Variants in PHF14 observed in about 807,000 individuals in gnomAD.
The protein encoded by PHF14 is PHD finger protein 14.
PHF14 carries 55 observed loss-of-function variants against 117.9 expected under a neutral mutation model. That is an observed-to-expected ratio of 0.47 (90% CI 0.38 to 0.58). PHF14 has a LOEUF of 0.58. PHF14 is among the 20% of genes least tolerant of loss of function. The pLI is 0.00. For missense variants in PHF14, 978 were observed against 1,122.2 expected (o/e 0.87, Z 1.84); for synonymous variants, 409 against 368.6 (o/e 1.11, Z -1.26).
At chr7:10,977,179 C>A (rs1781897231) in intron 2 of PHF14, among the ~76,000 whole-genome samples, 1 of 151,964 alleles carries the variant, frequency 6.6e-6, no homozygotes, top group Non-Finnish European at 1.5e-5. Flanking sequence ...GGTTTCCAAA[C>A]ATGTTGAAGT....
At chr7:11,042,858 C>CT in intron 13 of PHF14, 44 bp downstream of exon 13, 1 of 1,366,114 alleles carries the variant, frequency 7.3e-7, no homozygotes, top group Non-Finnish European at 1.0e-6. Flanking sequence ...TTGATTTACT[C>CT]TTAGTTTCAG....
At chr7:11,018,247 G>A (rs746493873) in intron 5 of PHF14, among the ~76,000 whole-genome samples, 2 of 151,954 alleles carry the variant, frequency 1.3e-5, no homozygotes, top group South Asian at 2.1e-4. Flanking sequence ...TTGTGGTTCC[G>A]TATACATTTT....
chr7:11,106,019 A>G (rs1335534460), intron 16 of PHF14: 1 of 984,710 alleles, frequency 1.0e-6, no homozygotes, highest in Non-Finnish European at 1.2e-6. Context: ...AAATCAGTTT[A>G]TTAAAGAACA....
chr7:10,990,447 C>A (rs1024221750), intron 3 of PHF14, among the ~76,000 whole-genome samples: 1 of 151,982 alleles, frequency 6.6e-6, no homozygotes, highest in Non-Finnish European at 1.5e-5. Context: ...TTTTTCATAT[C>A]CTAGAGGAGA....
At chr7:11,129,919 C>CA (rs1312078259) in intron 17 of PHF14, among the ~76,000 whole-genome samples, 1 of 151,638 alleles carries the variant, frequency 6.6e-6, no homozygotes, top group African/African-American at 2.4e-5. Flanking sequence ...AAGAGATTGG[C>CA]AAAAAATACA....
rs953075553 is a variant in PHF14 at position 11,161,844 on chromosome 7, G to A, written c.2773-7572G>A. 9.4e-5 allele frequency among the ~76,000 whole-genome samples: 14 copies of A among 149,716 alleles called. 1 individual carries two copies. The highest frequency in any genetic ancestry group is 8.0e-4 in the Admixed American group (12 of 15,048). On this transcript the variant is annotated intron_variant, in intron 17 of 17. Coordinates refer to ENST00000634607, the MANE Select transcript of PHF14 (RefSeq NM_001007157.2). ...TTTAAATAAAAATATTATAAATGAA[G>A]GAAAGTTACCAATGTAGGAGCCTCT...
chr7:11,167,469 T>C (rs546362961), intron 17 of PHF14, among the ~76,000 whole-genome samples: 30 of 152,364 alleles, frequency 2.0e-4, no homozygotes, highest in Admixed American at 2.0e-4. Flanking sequence ...CTTTTATTCG[T>C]TCATTATTCC....
chr7:11,168,052 A>T (rs1344901186), intron 17 of PHF14, among the ~76,000 whole-genome samples: 1 of 151,716 alleles, frequency 6.6e-6, no homozygotes, highest in Non-Finnish European at 1.5e-5. Context: ...CATCTGTAGG[A>T]ACTTTTTTCT....
At position 11,168,831 on chromosome 7, in the gene PHF14, T is replaced by C. The variant is rs1351948599; in HGVS notation, c.2773-585T>C. ...CACTTCATTTCTATGAAAGCAGACA[T>C]TATGATGTCATTTCATCTATTCACC... On this transcript the variant is annotated intron_variant, in intron 17 of 17. Coordinates refer to ENST00000634607, the MANE Select transcript of PHF14 (RefSeq NM_001007157.2). Among the ~76,000 whole-genome samples the C allele has an allele frequency of 2.0e-5, 3 of 152,148 alleles. No individual in the cohort carries two copies. In the East Asian group the frequency reaches 5.8e-4, roughly 29 times the overall value.
chr7:11,111,885 A>C (rs1457052897), intron 17 of PHF14, among the ~76,000 whole-genome samples: 1 of 134,694 alleles, frequency 7.4e-6, no homozygotes, highest in African/African-American at 2.8e-5. Flanking sequence ...ATATATTGTA[A>C]TATCTTATAG....
At chr7:10,999,071 G>A (rs990026017) in intron 4 of PHF14, among the ~76,000 whole-genome samples, 1 of 152,146 alleles carries the variant, frequency 6.6e-6, no homozygotes, top group Non-Finnish European at 1.5e-5. Flanking sequence ...GTTGTTAAGT[G>A]ATGGAGTGCC....
At chr7:11,128,421 A>G (rs1787996770) in intron 17 of PHF14, among the ~76,000 whole-genome samples, 2 of 152,070 alleles carry the variant, frequency 1.3e-5, no homozygotes, top group East Asian at 3.9e-4. Context: ...CAGAAAATAA[A>G]AGTGCCACTA....
intron 17 of PHF14, among the ~76,000 whole-genome samples, chr7:11,134,762 T>TA (rs1788172296): frequency 6.6e-6 from 1 of 152,082 alleles, no homozygotes; most frequent in Middle Eastern, 3.2e-3. Context: ...GTTCAGTACT[T>TA]AAAAACAAGT....
intron 16 of PHF14, among the ~76,000 whole-genome samples, chr7:11,083,012 C>T (rs1253470329): frequency 6.6e-6 from 1 of 152,176 alleles, no homozygotes; most frequent in Non-Finnish European, 1.5e-5. Flanking sequence ...AGCTCTCTAG[C>T]TTATCACAGA....
chr7:11,035,705 G>A lies in PHF14; in HGVS notation c.1521G>A (p.Lys507=). Residue 507 remains lysine (K), a synonymous_variant, in exon 8 of 18, where the codon AAG becomes AAA. Coordinates refer to ENST00000634607, the MANE Select transcript of PHF14 (RefSeq NM_001007157.2). ...CAGATAGGTTAGACAGAAAGTGGAA[G>A]AGAAAAAACTACTTGGCTCTACAGT... The part of the protein sequence containing the change: ...QHADRLDRKW[K]RKNYLALQSY... 1 of 1,610,478 alleles carries A rather than the reference G, an allele frequency of 6.2e-7. No individual in the cohort carries two copies. Among genetic ancestry groups the A allele is most frequent in the Non-Finnish European group, 8.5e-7 (1 of 1,177,052 alleles).
intron 17 of PHF14, among the ~76,000 whole-genome samples, chr7:11,162,015 A>AGGCTG (rs1789052271): frequency 6.6e-6 from 1 of 150,406 alleles, no homozygotes; most frequent in Non-Finnish European, 1.5e-5. Context: ...CTGTCAGAAA[A>AGGCTG]GGCTGTTTAC....
At position 10,982,827 on chromosome 7, in the gene PHF14, C is replaced by G; in HGVS notation, c.568C>G (p.Pro190Ala). 2 of 1,613,878 alleles carry G rather than the reference C, an allele frequency of 1.2e-6. No homozygotes were observed. Among genetic ancestry groups the G allele is most frequent in the Non-Finnish European group, 1.7e-6 (2 of 1,179,868 alleles). Residue 190 changes from proline (P) to alanine (A), a missense_variant, in exon 3 of 18, where the codon CCA becomes GCA. This residue lies in a region of PHF14 where 414 missense variants were observed against 376.4 expected (regional missense o/e 1.10). Coordinates refer to ENST00000634607, the MANE Select transcript of PHF14 (RefSeq NM_001007157.2). Reference protein sequence around the residue: ...PKKWNLRRNRPLLDFVSMEEL... With the variant: ...PKKWNLRRNRALLDFVSMEEL... ...AAAATGGAACCTTCGACGAAACCGA[C>G]CACTTCTGGATTTTGTGTCCATGGA...
intron 16 of PHF14, among the ~76,000 whole-genome samples, chr7:11,075,575 T>G (rs977168372): frequency 6.8e-5 from 10 of 147,984 alleles, no homozygotes; most frequent in African/African-American, 2.2e-4. Flanking sequence ...TTTTTTTTTT[T>G]TTTTTTTTTT....
rs4554366 is a variant in PHF14 at position 10,995,061 on chromosome 7, C to A, written c.1045+4214C>A. Among the ~76,000 whole-genome samples the A allele has an allele frequency of 2.4e-3, 373 of 152,252 alleles. 3 individuals carry two copies. Among genetic ancestry groups the A allele is most frequent in the African/African-American group, 8.4e-3 (347 of 41,554 alleles). On this transcript the variant is annotated intron_variant, in intron 4 of 17. Coordinates refer to ENST00000634607, the MANE Select transcript of PHF14 (RefSeq NM_001007157.2). The stretch of plus-strand genomic sequence containing the variant: ...GTGTTTACAATCCCTGAGATAGACA[C>A]AAAAGTTCTCCAAGTCCGCACAGAG...
Sources: allele counts gnomAD v4.1 joint callset (sites outside exome capture counted in the v4.1 genomes callset), GRCh38; gene constraint gnomAD v4.1.1; regional missense constraint gnomAD v4.1.1; transcripts MANE v1.5; gene names NCBI Gene and HGNC (gene_info 2026-07-23, HGNC 2026-07-21).